Variants in RERE observed in about 807,000 individuals in gnomAD.
RERE encodes the protein arginine-glutamic acid dipeptide repeats protein.
A neutral mutation model predicts 146.1 loss-of-function variants in RERE; 40 were observed. The ratio of observed to expected loss-of-function variants is 0.27; its 90% confidence interval spans 0.21 to 0.36. The LOEUF is 0.36. Among genes scored for constraint, RERE ranks in the 10% least tolerant of loss-of-function variants. RERE has a pLI of 1.00. For missense variants in RERE, 1,933 were observed against 2,138.7 expected, an observed-to-expected ratio of 0.90 and a Z score of 1.90; for synonymous variants, 1,003 against 866.0, an observed-to-expected ratio of 1.16 and a Z score of -2.78.
chr1:8,703,420 G>A (rs1251506586), intron 1 of RERE, among the ~76,000 whole-genome samples: 1 of 151,762 alleles, frequency 6.6e-6, no homozygotes, highest in African/African-American at 2.4e-5. Flanking sequence ...GACGCCGGGA[G>A]AGAAAGAGCA....
At chr1:8,732,907 C>T (rs568877350) in intron 1 of RERE, among the ~76,000 whole-genome samples, 41 of 149,168 alleles carry the variant, frequency 2.7e-4, no homozygotes, top group African/African-American at 8.4e-4. Context: ...CTGCAAGCTC[C>T]GCCTCCCGGG....
intron 1 of RERE, among the ~76,000 whole-genome samples, chr1:8,694,973 A>ATG (rs1639291460): frequency 3.0e-5 from 1 of 33,190 alleles, no homozygotes; most frequent in East Asian, 9.7e-4. Flanking sequence ...AGAAATCCTA[A>ATG]GGGGGGGGGG....
chr1:8,783,046 A>C (rs1557540116), intron 1 of RERE, among the ~76,000 whole-genome samples: 1 of 152,156 alleles, frequency 6.6e-6, no homozygotes, highest in Non-Finnish European at 1.5e-5. Context: ...AGTGAAATTC[A>C]TCAGAGACCA....
intron 1 of RERE, among the ~76,000 whole-genome samples, chr1:8,693,169 C>A (rs538536455): frequency 4.6e-5 from 7 of 152,294 alleles, no homozygotes; most frequent in Middle Eastern, 3.4e-3. Context: ...AGAGACACCT[C>A]GCAAGACAGC....
intron 7 of RERE, chr1:8,512,600 T>TG (rs1274062030): frequency 2.6e-5 from 4 of 152,514 alleles, no homozygotes; most frequent in Non-Finnish European, 5.9e-5. Flanking sequence ...GGCCATATCC[T>TG]GCTTCTGGGA....
chr1:8,721,179 G>T (rs1194781037), intron 1 of RERE, among the ~76,000 whole-genome samples: 1 of 152,212 alleles, frequency 6.6e-6, no homozygotes, highest in Non-Finnish European at 1.5e-5. Flanking sequence ...TCAGACAACT[G>T]GGAGCACTGC....
At chr1:8,491,323 C>T (rs1276734931) in intron 10 of RERE, among the ~76,000 whole-genome samples, 1 of 152,122 alleles carries the variant, frequency 6.6e-6, no homozygotes, top group Non-Finnish European at 1.5e-5. Flanking sequence ...GCCTGCAATC[C>T]CAGCTACTCG....
At chr1:8,690,914 T>A (rs1330657156) in intron 1 of RERE, among the ~76,000 whole-genome samples, 2 of 152,182 alleles carry the variant, frequency 1.3e-5, no homozygotes, top group East Asian at 3.8e-4. Context: ...TTTATTTATT[T>A]TTGAGACGGT....
chr1:8,536,577 T>C (rs1486876180), intron 7 of RERE, among the ~76,000 whole-genome samples: 1 of 152,230 alleles, frequency 6.6e-6, no homozygotes, highest in African/African-American at 2.4e-5. Context: ...GCTTTATTTA[T>C]GAAGACCTCT....
Position 8,356,672 on chromosome 1 carries a change from C to T in RERE, c.4340-426G>A, listed in dbSNP as rs1031714287. ...GGGCTGTCTCCCTGCTCTTCACTCG[C>T]AGAACCTAAAGGAGGCCAGCAGAGT... On this transcript the variant is annotated intron_variant, in intron 20 of 22. Coordinates refer to ENST00000400908, the MANE Select transcript of RERE (RefSeq NM_001042681.2). This position sits in a 1 kb window ranked among gnomAD's most constrained non-coding sequence, Gnocchi z 5.2. Among the ~76,000 whole-genome samples the T allele has an allele frequency of 1.3e-5, 2 of 152,176 alleles. No individual in the cohort carries two copies. Among genetic ancestry groups the T allele is most frequent in the African/African-American group, 4.8e-5 (2 of 41,438 alleles).
chr1:8,557,866 T>C (rs1019302881), intron 4 of RERE, among the ~76,000 whole-genome samples: 2 of 152,220 alleles, frequency 1.3e-5, no homozygotes, highest in African/African-American at 2.4e-5. Context: ...AATATATCCT[T>C]CTATTTTAAT....
chr1:8,495,109 C>T lies in RERE; in HGVS notation c.1058G>A (p.Cys353Tyr). 6.2e-7 allele frequency: 1 copy of T among 1,614,042 alleles called. No individual in the cohort carries two copies. Among genetic ancestry groups the T allele is most frequent in the Non-Finnish European group, 8.5e-7 (1 of 1,179,898 alleles). ...MCDGGSTEDG[C>Y]VAASRDDTTL... The stretch of plus-strand genomic sequence containing the variant: ...GGTGTCATCCCGAGAGGCTGCGACA[C>T]AGCCGTCCTCTGTAGAGCCTCCATC... Residue 353 changes from cysteine (C) to tyrosine (Y), a missense_variant, in exon 10 of 23, where the codon TGT becomes TAT. This residue lies in a region of RERE where 260 missense variants were observed against 378.4 expected (regional missense o/e 0.69). Transcript: ENST00000400908.
rs1557584825 is a variant in RERE at position 8,359,807 on chromosome 1, C to CGCTCCT, written c.3569_3574dup (p.Glu1191_Arg1192insGlnGlu). ...GCGCTCCCGCTCTCGCTCCCGCTCCCGCTCCTTCTCCTTCTCCTTCTCCCG... is the reference window on the plus strand; with the variant it reads ...GCGCTCCCGCTCTCGCTCCCGCTCCCGCTCCTGCTCCTTCTCCTTCTCCTTCTCCCG... On this transcript the variant is annotated inframe_insertion, in exon 19 of 23. Coordinates refer to ENST00000400908, the MANE Select transcript of RERE (RefSeq NM_001042681.2). 3.8e-6 allele frequency: 6 copies of CGCTCCT among 1,599,922 alleles called. No homozygotes were observed. In the Admixed American group the frequency reaches 8.4e-5, roughly 22 times the overall value.
intron 1 of RERE, among the ~76,000 whole-genome samples, chr1:8,801,726 T>A (rs1433340097): frequency 6.6e-6 from 1 of 152,176 alleles, no homozygotes; most frequent in African/African-American, 2.4e-5. Flanking sequence ...TGGGGGCAAT[T>A]TATTTACAGC....
chr1:8,433,049 G>A (rs1004226483), intron 11 of RERE, among the ~76,000 whole-genome samples: 6 of 152,042 alleles, frequency 3.9e-5, no homozygotes, highest in East Asian at 3.9e-4. Context: ...AGCACATGTC[G>A]GAGATTATAT....
intron 12 of RERE, among the ~76,000 whole-genome samples, chr1:8,372,543 T>TGTGTG (rs6143112): frequency 8.6e-5 from 13 of 150,710 alleles, no homozygotes; most frequent in Non-Finnish European, 1.5e-4. Flanking sequence ...TGTGTGTGTG[T>TGTGTG]TTTAAATTAA....
chr1:8,405,713 AC>A (rs1643419590), intron 12 of RERE, among the ~76,000 whole-genome samples: 1 of 152,094 alleles, frequency 6.6e-6, no homozygotes, highest in Non-Finnish European at 1.5e-5. Context: ...ATCTCGGCTC[AC>A]TGCAACCTCC....
chr1:8,763,378 A>C (rs569353214), intron 1 of RERE, among the ~76,000 whole-genome samples: 1 of 152,346 alleles, frequency 6.6e-6, no homozygotes, highest in African/African-American at 2.4e-5. Flanking sequence ...CACACCTGTA[A>C]TCCCAGCACT....
chr1:8,456,461 C>T (rs538580848), intron 11 of RERE, among the ~76,000 whole-genome samples: 2 of 152,282 alleles, frequency 1.3e-5, no homozygotes, highest in South Asian at 4.1e-4. Context: ...AAAAACGCTT[C>T]AATCTTGACA....
Sources: allele counts gnomAD v4.1 joint callset (sites outside exome capture counted in the v4.1 genomes callset), GRCh38; gene constraint gnomAD v4.1.1; regional missense constraint gnomAD v4.1.1; non-coding constraint Gnocchi (gnomAD v3.1); transcripts MANE v1.5; gene names NCBI Gene and HGNC (gene_info 2026-07-23, HGNC 2026-07-21).